The following WDR86 variants were observed in gnomAD, a reference collection of about 807,000 sequenced individuals.
The protein encoded by WDR86 is WD repeat domain 86, also known as WD repeat-containing protein 86.
In WDR86, 30 loss-of-function variants were observed where a neutral mutation model predicts 36.5. The observed-to-expected ratio is 0.82, with a 90% confidence interval of 0.61 to 1.11. The LOEUF (loss-of-function observed/expected upper bound fraction) is 1.11. WDR86 is among the 50% of genes most tolerant of loss of function. WDR86 has a pLI of 0.00. For synonymous variants in WDR86, 255 were observed against 252.9 expected, an observed-to-expected ratio of 1.01 and a Z score of -0.08; for missense variants, 545 against 561.2, an observed-to-expected ratio of 0.97 and a Z score of 0.29.
Position 151,409,515 on chromosome 7 carries a change from G to C in WDR86, c.75C>G (p.Pro25=), listed in dbSNP as rs933244435. The change falls in exon 1 of 6, where the codon CCC becomes CCG. Residue 25 remains proline (P), a synonymous_variant. Coordinates refer to ENST00000334493, the MANE Select transcript of WDR86 (RefSeq NM_198285.3). This position sits in a 1 kb window ranked among gnomAD's most constrained non-coding sequence, Gnocchi z 5.2. ...RGGINWLSLS[P]DGQRLLTGSE... The stretch of plus-strand genomic sequence containing the variant: ...TGCCCGTCAGCAGGCGCTGCCCGTC[G>C]GGGCTCAGGCTCAGCCAGTTGATGC... 6.5e-7 allele frequency: 1 copy of C among 1,531,696 alleles called. No individual in the cohort carries two copies. Among genetic ancestry groups the C allele is most frequent in the Non-Finnish European group, 8.7e-7 (1 of 1,145,138 alleles). The allele number at this position is 1,531,696 out of a possible 1,614,324, so 94.9% of individuals were successfully genotyped here. A position where few individuals can be genotyped will look rare whatever the true frequency, so the allele number is the denominator to read the frequency against.
chr7:151,376,581 GT>G, downstream of WDR86: 1 of 1,511,714 alleles, frequency 6.6e-7, no homozygotes, highest in South Asian at 1.2e-5. Flanking sequence ...GCTGACGGGG[GT>G]GGCAGAAGAG....
In WDR86 at chr7:151,409,237, G is replaced by T; in HGVS notation, c.163+190C>A. On this transcript the variant is annotated intron_variant, in intron 1 of 5. Transcript: ENST00000334493. The surrounding 1 kb of genome is among the most constrained non-coding windows in gnomAD (Gnocchi z 5.2). ...GCTCTGCACCCGCACCCCACCCCCA[G>T]ACCTCACCCTGCCCTGCCGTGCGCT... 1.2e-6 allele frequency: 1 copy of T among 814,064 alleles called. No homozygotes were observed. The highest frequency in any genetic ancestry group is 1.8e-6 in the Non-Finnish European group (1 of 550,614). 50.4% of individuals were successfully genotyped at this position (814,064 alleles called of 1,614,324 possible).
At chr7:151,398,249 G>C (rs1002178582) in intron 2 of WDR86, among the ~76,000 whole-genome samples, 2 of 151,980 alleles carry the variant, frequency 1.3e-5, no homozygotes, top group African/African-American at 2.4e-5. Context: ...TGTGTGTTGT[G>C]TGTGCATATG....
In WDR86 at chr7:151,409,699, CG is replaced by C; in HGVS notation, c.-111del. 7.7e-7 allele frequency: 1 copy of C among 1,295,220 alleles called. No individual in the cohort carries two copies. Among genetic ancestry groups the C allele is most frequent in the Admixed American group, 4.2e-5 (1 of 23,866 alleles). The allele number at this position is 1,295,220 out of a possible 1,614,324, so 80.2% of individuals were successfully genotyped here. On this transcript the variant is annotated 5_prime_UTR_variant, in exon 1 of 6. Transcript: ENST00000334493. The surrounding 1 kb of genome is among the most constrained non-coding windows in gnomAD (Gnocchi z 5.2). ...TGCGGCCCGCGGCCATCGCGGGGAA[CG>C]GGGAGCCCGACTCCTGCGGAGGCAC...
chr7:151,375,725 CT>C, downstream of WDR86: 1 of 671,502 alleles, frequency 1.5e-6, no homozygotes, highest in Non-Finnish European at 2.8e-6. Flanking sequence ...GTGGGAGCCC[CT>C]TTCTCTGCCT....
chr7:151,374,819 T>C (rs1179070279), downstream of WDR86, among the ~76,000 whole-genome samples: 2 of 152,076 alleles, frequency 1.3e-5, no homozygotes, highest in African/African-American at 2.4e-5. Context: ...CAGCTTGGCA[T>C]GGAACCACCC....
At chr7:151,404,908 G>A (rs1452216689) in intron 1 of WDR86, among the ~76,000 whole-genome samples, 2 of 152,140 alleles carry the variant, frequency 1.3e-5, no homozygotes, top group African/African-American at 2.4e-5. Flanking sequence ...AGTGGGCCTG[G>A]TGCCCCTGAC....
chr7:151,406,521 C>G lies in WDR86; in HGVS notation c.163+2906G>C, dbSNP rs1800715994. ...GGACGGAACCAAAGTGGAAAGAGAT[C>G]TAGATTTAGAGTTAGGATGCTTCTA... On this transcript the variant is annotated intron_variant, in intron 1 of 5. Transcript: ENST00000334493. The surrounding 1 kb of genome is among the most constrained non-coding windows in gnomAD (Gnocchi z 4.4). Among the ~76,000 whole-genome samples, 1 of 152,174 alleles carries G rather than the reference C, an allele frequency of 6.6e-6. No individual in the cohort carries two copies. The highest frequency in any genetic ancestry group is 1.5e-5 in the Non-Finnish European group (1 of 68,038).
chr7:151,395,494 GACACACACACACACACACACAC>G (rs57122668), intron 3 of WDR86, among the ~76,000 whole-genome samples: 8 of 147,144 alleles, frequency 5.4e-5, no homozygotes, highest in Non-Finnish European at 9.0e-5. Context: ...AAGAGATTAG[GACACACACACACACACACACAC>G]ACACACACAC....
Position 151,402,089 on chromosome 7 carries a change from A to ATC in WDR86, c.164-1849_164-1848insGA, listed in dbSNP as rs1554425397. Among the ~76,000 whole-genome samples the ATC allele has an allele frequency of 4.2e-4, 52 of 124,322 alleles. 2 individuals carry two copies. Among genetic ancestry groups the ATC allele is most frequent in the African/African-American group, 1.5e-3 (47 of 31,242 alleles). The allele number at this position is 124,322 out of a possible 152,430, so 81.6% of individuals were successfully genotyped here. ...AAAAAAAATATATATATATATATAT[A>ATC]TATCTCCACAAATGTCCTTACAAGA... On this transcript the variant is annotated intron_variant, in intron 1 of 5. Coordinates refer to ENST00000334493, the MANE Select transcript of WDR86 (RefSeq NM_198285.3).
At chr7:151,407,314 G>A (rs1800776058) in intron 1 of WDR86, among the ~76,000 whole-genome samples, 1 of 152,234 alleles carries the variant, frequency 6.6e-6, no homozygotes, top group South Asian at 2.1e-4. Context: ...ACAGGTGCCA[G>A]ACACAGAGCT....
chr7:151,379,023 A>AG (rs1798441753), downstream of WDR86, among the ~76,000 whole-genome samples: 1 of 152,010 alleles, frequency 6.6e-6, no homozygotes, highest in South Asian at 2.1e-4. Flanking sequence ...GCGGTAGAGG[A>AG]GGGGGCAGGA....
chr7:151,374,446 C>G (rs1798113908), downstream of WDR86: 1 of 670,274 alleles, frequency 1.5e-6, no homozygotes, highest in Admixed American at 2.5e-5. Flanking sequence ...AGTGCTTGGC[C>G]CAGGCCTGGC....
intron 3 of WDR86, among the ~76,000 whole-genome samples, chr7:151,395,211 C>G (rs1314560045): frequency 3.3e-5 from 5 of 152,212 alleles, no homozygotes; most frequent in Non-Finnish European, 7.3e-5. Context: ...CGGCGTTCAC[C>G]CTGACAGCAC....
In WDR86 at chr7:151,381,319, T is replaced by G. The variant is rs1199087250; in HGVS notation, c.*263A>C. The G allele has an allele frequency of 5.3e-5, 71 of 1,351,696 alleles. No individual in the cohort carries two copies. Among genetic ancestry groups the G allele is most frequent in the Non-Finnish European group, 6.5e-5 (69 of 1,057,816 alleles). 83.7% of individuals were successfully genotyped at this position (1,351,696 alleles called of 1,614,324 possible). ...TGGGAGGGTCCCCAGGACTAGGCCTTTCGCCAGGTCAGGGATGGGGAGGGA... is the reference window on the plus strand; with the variant it reads ...TGGGAGGGTCCCCAGGACTAGGCCTGTCGCCAGGTCAGGGATGGGGAGGGA... On this transcript the variant is annotated 3_prime_UTR_variant, in exon 6 of 6. Transcript: ENST00000334493. The surrounding 1 kb of genome is among the most constrained non-coding windows in gnomAD (Gnocchi z 4.8).
chr7:151,394,523 G>A (rs1223689799), intron 3 of WDR86, among the ~76,000 whole-genome samples: 1 of 152,220 alleles, frequency 6.6e-6, no homozygotes, highest in Non-Finnish European at 1.5e-5. Flanking sequence ...GGTCGGACCT[G>A]CCCTGGAGCA....
intron 1 of WDR86, among the ~76,000 whole-genome samples, chr7:151,404,504 G>C (rs1165835175): frequency 1.3e-5 from 2 of 152,092 alleles, no homozygotes; most frequent in Non-Finnish European, 2.9e-5. Context: ...CCAGGCCTGC[G>C]GGGTCACCCT....
At chr7:151,399,237 A>G (rs915232657) in intron 2 of WDR86, among the ~76,000 whole-genome samples, 4 of 151,882 alleles carry the variant, frequency 2.6e-5, no homozygotes, top group African/African-American at 9.7e-5. Flanking sequence ...GCCACCTGCG[A>G]CTCCAGCGAG....
chr7:151,410,153 G>A (rs1434693757), upstream of WDR86: 2 of 901,870 alleles, frequency 2.2e-6, no homozygotes, highest in Non-Finnish European at 2.7e-6. Context: ...CGCTGTGCGG[G>A]TCCGGGGGAC....
Sources: allele counts gnomAD v4.1 joint callset (sites outside exome capture counted in the v4.1 genomes callset), GRCh38; gene constraint gnomAD v4.1.1; non-coding constraint Gnocchi (gnomAD v3.1); transcripts MANE v1.5; gene names NCBI Gene and HGNC (gene_info 2026-07-23, HGNC 2026-07-21).